APP: variants seen among roughly 807,000 people sequenced by gnomAD.
APP encodes amyloid-beta precursor protein.
A neutral mutation model predicts 101.4 loss-of-function variants in APP; 31 were observed. The ratio of observed to expected loss-of-function variants is 0.31; its 90% confidence interval spans 0.23 to 0.41. APP has a LOEUF of 0.41. Ranked by LOEUF, APP falls within the 10% of genes least tolerant of loss-of-function variation. The pLI is 1.00. For missense variants in APP, 839 were observed against 1,003.7 expected, an observed-to-expected ratio of 0.84 and a Z score of 2.22; for synonymous variants, 366 against 364.4, an observed-to-expected ratio of 1.00 and a Z score of -0.05.
chr21:26,170,148 C>G (rs375341247), intron 1 of APP, among the ~76,000 whole-genome samples: 1 of 152,322 alleles, frequency 6.6e-6, no homozygotes, highest in East Asian at 1.9e-4. Flanking sequence ...GGCAACGATT[C>G]AAGAGCGAAG....
chr21:25,901,930 T>C (rs1211411291), intron 15 of APP, among the ~76,000 whole-genome samples: 2 of 152,220 alleles, frequency 1.3e-5, no homozygotes, highest in African/African-American at 2.4e-5. Context: ...AAGAGCTCGC[T>C]AATGTGTTTT....
chr21:26,115,447 C>T (rs2062415024), intron 1 of APP, among the ~76,000 whole-genome samples: 1 of 152,202 alleles, frequency 6.6e-6, no homozygotes, highest in Non-Finnish European at 1.5e-5. Flanking sequence ...CATGCTTTCA[C>T]TACATATGCC....
intron 1 of APP, among the ~76,000 whole-genome samples, chr21:26,158,519 A>G (rs974276614): frequency 4.6e-5 from 7 of 152,180 alleles, no homozygotes; most frequent in Non-Finnish European, 1.0e-4. Context: ...AGGTGTCACT[A>G]TCTGGCCCAT....
chr21:26,123,147 C>T (rs984402066), intron 1 of APP, among the ~76,000 whole-genome samples: 1 of 152,134 alleles, frequency 6.6e-6, no homozygotes, highest in African/African-American at 2.4e-5. Context: ...AACATGAAGT[C>T]ACTTATTTTT....
At chr21:25,964,252 T>C (rs2041700815) in intron 11 of APP, among the ~76,000 whole-genome samples, 1 of 152,136 alleles carries the variant, frequency 6.6e-6, no homozygotes, top group Non-Finnish European at 1.5e-5. Flanking sequence ...AGCAGATCAC[T>C]TCCTCATAGG....
chr21:26,159,737 G>A (rs933233450), intron 1 of APP, among the ~76,000 whole-genome samples: 4 of 151,858 alleles, frequency 2.6e-5, no homozygotes, highest in South Asian at 2.1e-4. Context: ...TCATCTCATC[G>A]GCTATTTATT....
chr21:26,125,146 C>T (rs2062654880), intron 1 of APP, among the ~76,000 whole-genome samples: 1 of 152,194 alleles, frequency 6.6e-6, no homozygotes, highest in Non-Finnish European at 1.5e-5. Context: ...TAGCACAAGG[C>T]TAGCGTCCAA....
At chr21:25,912,088 G>T in intron 13 of APP, 126 bp from the exon 14 acceptor site, 1 of 754,500 alleles carries the variant, frequency 1.3e-6, no homozygotes, top group Non-Finnish European at 2.4e-6. Flanking sequence ...CGCGTTTAGA[G>T]CCATGACATA....
Position 25,975,156 on chromosome 21 carries a change from T to C in APP, c.1372A>G (p.Met458Val). The change falls in exon 11 of 18, where the codon ATG becomes GTG. Residue 458 changes from methionine (M) to valine (V), a missense_variant. Met to Val is a conservative substitution (Grantham distance 21). Coordinates refer to ENST00000346798, the MANE Select transcript of APP (RefSeq NM_000484.4). ...TTGAGCATGGCTTCCACTCTGGCCA[T>C]GTGTGTCTCCACCAGCTGCTGTCTC... Reference protein sequence around the residue: ...NERQQLVETHMARVEAMLNDR... With the variant: ...NERQQLVETHVARVEAMLNDR... 1 of 1,614,082 alleles carries C rather than the reference T, an allele frequency of 6.2e-7. No homozygotes were observed. Among genetic ancestry groups the C allele is most frequent in the Non-Finnish European group, 8.5e-7 (1 of 1,180,020 alleles).
intron 8 of APP, among the ~76,000 whole-genome samples, chr21:25,995,987 A>G (rs2043041037): frequency 6.6e-6 from 1 of 152,108 alleles, no homozygotes; most frequent in South Asian, 2.1e-4. Flanking sequence ...TAATTATAAA[A>G]TATCTAAGTT....
intron 6 of APP, among the ~76,000 whole-genome samples, chr21:26,009,430 T>A (rs990900341): frequency 9.2e-5 from 14 of 152,152 alleles, no homozygotes; most frequent in Non-Finnish European, 1.9e-4. Flanking sequence ...ATATTAAGAC[T>A]ATTGAAATAC....
At chr21:26,009,317 C>T (rs1305796935) in intron 6 of APP, among the ~76,000 whole-genome samples, 1 of 152,148 alleles carries the variant, frequency 6.6e-6, no homozygotes, top group Non-Finnish European at 1.5e-5. Flanking sequence ...ATTGTCTATA[C>T]ACATTTATTT....
chr21:26,033,128 T>C (rs933433105), intron 5 of APP, among the ~76,000 whole-genome samples: 7 of 152,152 alleles, frequency 4.6e-5, no homozygotes, highest in African/African-American at 1.4e-4. Context: ...TGAAGAGTGA[T>C]ATGGTTTGGC....
rs57270357 is a variant in APP at position 25,952,191 on chromosome 21, T to TACACACACACACACACAC, written c.1687+2381_1687+2398dup. On this transcript the variant is annotated intron_variant, in intron 13 of 17. Coordinates refer to ENST00000346798, the MANE Select transcript of APP (RefSeq NM_000484.4). ...GTGGATTGAGAGCATATTACATACA[T>TACACACACACACACACAC]ACACACACACACACACACACACACA... is the stretch of plus-strand genomic sequence containing the variant. Among the ~76,000 whole-genome samples, 979 of 139,936 alleles carry TACACACACACACACACAC rather than the reference T, an allele frequency of 7.0e-3. 5 individuals are homozygous for TACACACACACACACACAC. Among genetic ancestry groups the TACACACACACACACACAC allele is most frequent in the Non-Finnish European group, 8.5e-3 (545 of 64,018 alleles). 91.8% of individuals were successfully genotyped at this position (139,936 alleles called of 152,430 possible). A position where few individuals can be genotyped will look rare whatever the true frequency, so the allele number is the denominator to read the frequency against.
At chr21:26,146,522 G>A (rs537441995) in intron 1 of APP, among the ~76,000 whole-genome samples, 5 of 151,878 alleles carry the variant, frequency 3.3e-5, no homozygotes, top group Non-Finnish European at 5.9e-5. Flanking sequence ...TTTTGTCCAC[G>A]TCTAATAGAG....
chr21:25,914,632 C>T (rs991175298), intron 13 of APP, among the ~76,000 whole-genome samples: 1 of 148,154 alleles, frequency 6.7e-6, no homozygotes, highest in Non-Finnish European at 1.5e-5. Context: ...CGGCTCACTG[C>T]AAGCTCCGCC....
intron 11 of APP, among the ~76,000 whole-genome samples, chr21:25,956,818 G>C (rs1192743786): frequency 6.6e-6 from 1 of 152,114 alleles, no homozygotes; most frequent in Non-Finnish European, 1.5e-5. Flanking sequence ...TAACTTAGGA[G>C]CCATCTCCCT....
At chr21:25,886,615 G>A (rs1364232277) in intron 17 of APP, among the ~76,000 whole-genome samples, 1 of 151,774 alleles carries the variant, frequency 6.6e-6, no homozygotes, top group Admixed American at 6.6e-5. Flanking sequence ...GGCTGGACTC[G>A]AACTCCTAGC....
At chr21:26,056,610 AT>A (rs1432271468) in intron 3 of APP, among the ~76,000 whole-genome samples, 1 of 138,548 alleles carries the variant, frequency 7.2e-6, no homozygotes, top group African/African-American at 2.8e-5. Context: ...ACAATTGTTC[AT>A]TATGTTTATA....
Sources: allele counts gnomAD v4.1 joint callset (sites outside exome capture counted in the v4.1 genomes callset), GRCh38; gene constraint gnomAD v4.1.1; transcripts MANE v1.5; gene names NCBI Gene and HGNC (gene_info 2026-07-23, HGNC 2026-07-21).